The following NETO1 variants were observed in gnomAD, a reference collection of about 807,000 sequenced individuals.
The protein encoded by NETO1 is neuropilin and tolloid like 1, also known as neuropilin and tolloid-like protein 1.
NETO1 carries 26 observed loss-of-function variants against 61.3 expected under a neutral mutation model. The observed-to-expected ratio is 0.42, with a 90% CI of 0.31 to 0.59. The LOEUF (loss-of-function observed/expected upper bound fraction) is 0.59, where lower values mean the gene tolerates loss of function less well. NETO1 is among the 20% of genes least tolerant of loss of function. The probability of loss-of-function intolerance (pLI) is 0.12; values close to 1 mark genes in which losing one functional copy is unlikely to be tolerated. For synonymous variants in NETO1, 225 were observed against 225.8 expected, an observed-to-expected ratio of 1.00 and a Z score of 0.03; for missense variants, 531 against 662.8, an observed-to-expected ratio of 0.80 and a Z score of 2.18.
intron 4 of NETO1, among the ~76,000 whole-genome samples, chr18:72,822,945 C>T (rs560142802): frequency 1.8e-4 from 28 of 152,250 alleles, no homozygotes; most frequent in African/African-American, 6.3e-4. Flanking sequence ...ATTTTACCTA[C>T]CAAATCGTTA....
At chr18:72,772,763 A>ATCTATATC (rs1436716220) in intron 7 of NETO1, among the ~76,000 whole-genome samples, 2 of 66,070 alleles carry the variant, frequency 3.0e-5, no homozygotes, top group African/African-American at 8.0e-5. Context: ...ATATATCTAT[A>ATCTATATC]TATATATATA....
chr18:72,765,690 T>G (rs2080197400), intron 7 of NETO1, among the ~76,000 whole-genome samples: 1 of 152,150 alleles, frequency 6.6e-6, no homozygotes, highest in Admixed American at 6.5e-5. Flanking sequence ...GTGCTGAGGT[T>G]ACAGGCGTGA....
chr18:72,818,788 C>T (rs1178392018), intron 4 of NETO1, among the ~76,000 whole-genome samples: 2 of 151,990 alleles, frequency 1.3e-5, no homozygotes, highest in African/African-American at 2.4e-5. Context: ...TTTCGTTTAT[C>T]TATTAAATTA....
At position 72,859,061 on chromosome 18, in the gene NETO1, C is replaced by T. The variant is rs148509978; in HGVS notation, c.234G>A (p.Gln78=). The T allele has an allele frequency of 1.9e-4, 299 of 1,612,658 alleles. No homozygotes were observed. Among genetic ancestry groups the T allele is most frequent in the Non-Finnish European group, 2.4e-4 (288 of 1,179,436 alleles). The change falls in exon 4 of 11, where the codon CAG becomes CAA. Residue 78 remains glutamine, a synonymous_variant. Transcript: ENST00000327305. The stretch of plus-strand genomic sequence containing the variant: ...TTTCATCAAAGTAAAGTTCAATGCA[C>T]TGTCTTGGAGCGGCTGTAAAGAAGA... ...CIYIIEAAPR[Q]CIELYFDEKY... is the part of the protein sequence containing the mutation.
chr18:72,782,493 T>C (rs2071776903), intron 7 of NETO1, among the ~76,000 whole-genome samples: 1 of 152,170 alleles, frequency 6.6e-6, no homozygotes, highest in African/African-American at 2.4e-5. Flanking sequence ...GCATCTGTTA[T>C]TGTTTGACTT....
intron 4 of NETO1, among the ~76,000 whole-genome samples, chr18:72,841,631 G>A (rs2073933863): frequency 6.7e-6 from 1 of 148,296 alleles, no homozygotes; most frequent in Non-Finnish European, 1.5e-5. Context: ...CTACTCAGGA[G>A]GCTGAGGCAA....
chr18:72,751,407 G>T (rs1416994522), intron 8 of NETO1, among the ~76,000 whole-genome samples: 1 of 152,140 alleles, frequency 6.6e-6, no homozygotes, highest in African/African-American at 2.4e-5. Context: ...AGGGAGGTGT[G>T]GACAAGAACG....
At chr18:72,856,435 C>T (rs1032706972) in intron 4 of NETO1, among the ~76,000 whole-genome samples, 1 of 152,142 alleles carries the variant, frequency 6.6e-6, no homozygotes, top group Non-Finnish European at 1.5e-5. Context: ...ACCAAGCATG[C>T]TTTGTTTTTA....
At chr18:72,806,993 T>A (rs2072694823) in intron 4 of NETO1, among the ~76,000 whole-genome samples, 1 of 152,188 alleles carries the variant, frequency 6.6e-6, no homozygotes, top group African/African-American at 2.4e-5. Context: ...GTTTTTGAAA[T>A]CATTTGAACA....
chr18:72,862,618 T>C (rs891042890), intron 3 of NETO1, among the ~76,000 whole-genome samples: 3 of 112,530 alleles, frequency 2.7e-5, no homozygotes, highest in Non-Finnish European at 6.3e-5. Context: ...GATCCTTTTT[T>C]TTTCTTTTTT....
At chr18:72,835,870 C>T (rs1272595502) in intron 4 of NETO1, among the ~76,000 whole-genome samples, 1 of 152,010 alleles carries the variant, frequency 6.6e-6, no homozygotes, top group African/African-American at 2.4e-5. Flanking sequence ...CTTAGAAATC[C>T]CACAGGGTCG....
intron 6 of NETO1, among the ~76,000 whole-genome samples, chr18:72,791,807 T>A (rs2072128432): frequency 6.6e-6 from 1 of 152,322 alleles, no homozygotes; most frequent in South Asian, 2.1e-4. Context: ...AGCCCTTGCA[T>A]GTGAATCCAC....
chr18:72,797,922 T>C (rs190892460), intron 4 of NETO1, among the ~76,000 whole-genome samples: 1 of 152,326 alleles, frequency 6.6e-6, no homozygotes, highest in Admixed American at 6.5e-5. Flanking sequence ...TGGTTTTTGG[T>C]TCAAATATTA....
chr18:72,809,598 G>A (rs1046929932), intron 4 of NETO1, among the ~76,000 whole-genome samples: 6 of 152,124 alleles, frequency 3.9e-5, no homozygotes, highest in Non-Finnish European at 7.4e-5. Flanking sequence ...GAACCTCTTC[G>A]ATACATGAAT....
chr18:72,805,611 C>T (rs1740521639), intron 4 of NETO1, among the ~76,000 whole-genome samples: 1 of 152,218 alleles, frequency 6.6e-6, no homozygotes, highest in Admixed American at 6.5e-5. Flanking sequence ...AGTAACTAGC[C>T]TAAGAATACA....
intron 7 of NETO1, among the ~76,000 whole-genome samples, chr18:72,761,651 T>C (rs919581137): frequency 6.6e-6 from 1 of 152,198 alleles, no homozygotes; most frequent in Non-Finnish European, 1.5e-5. Context: ...AATGATCCGA[T>C]AGAATTGAGG....
At chr18:72,851,416 A>AAAAAAAAAAG (rs1360812579) in intron 4 of NETO1, among the ~76,000 whole-genome samples, 1 of 152,108 alleles carries the variant, frequency 6.6e-6, no homozygotes, top group African/African-American at 2.4e-5. Context: ...CCTCAAAACA[A>AAAAAAAAAAG]AAAAAGAAAA....
Position 72,774,631 on chromosome 18 carries a change from T to C in NETO1, c.868+9047A>G, listed in dbSNP as rs539483115. Among the ~76,000 whole-genome samples, 4 of 152,342 alleles carry C rather than the reference T, an allele frequency of 2.6e-5. No homozygotes were observed. The East Asian group carries it at 7.7e-4, about 29-fold the overall frequency. On this transcript the variant is annotated intron_variant, in intron 7 of 10. Coordinates refer to ENST00000327305, the MANE Select transcript of NETO1 (RefSeq NM_138966.5). Reference sequence around the variant, plus strand: ...TATCTCAAATTGGATGAATTCTTTATCGCAAATATGTTTCTTGGTATTTGT... The same window carrying C: ...TATCTCAAATTGGATGAATTCTTTACCGCAAATATGTTTCTTGGTATTTGT...
intron 4 of NETO1, among the ~76,000 whole-genome samples, chr18:72,813,447 G>C (rs1599053995): frequency 2.6e-5 from 4 of 152,272 alleles, no homozygotes; most frequent in African/African-American, 9.6e-5. Context: ...CCTGAGGGAA[G>C]AACAGTGAAA....
Sources: gnomAD v4.1 joint callset for allele counts (sites outside exome capture counted in the v4.1 genomes callset) on GRCh38, gnomAD v4.1.1 for gene constraint, MANE v1.5 for transcripts, NCBI Gene and HGNC (gene_info 2026-07-23, HGNC 2026-07-21) for gene names.